The following PTPRD variants were observed in gnomAD, a reference collection of about 807,000 sequenced individuals.
PTPRD encodes the protein receptor-type tyrosine-protein phosphatase delta.
A neutral mutation model predicts 214.5 loss-of-function variants in PTPRD; 34 were observed. That is an observed-to-expected ratio of 0.16 (90% confidence interval 0.12 to 0.21). The LOEUF is 0.21. PTPRD is among the 10% of genes least tolerant of loss of function. PTPRD has a pLI of 1.00. For missense variants in PTPRD, 2,545 were observed against 2,398.7 expected (o/e 1.06, Z -1.27); for synonymous variants, 1,128 against 845.7 (o/e 1.33, Z -5.79).
chr9:9,709,108 A>C (rs2097679696), intron 7 of PTPRD, among the ~76,000 whole-genome samples: 1 of 152,026 alleles, frequency 6.6e-6, no homozygotes, highest in East Asian at 1.9e-4. Flanking sequence ...TTGGCATATA[A>C]GTTATAAGGT....
chr9:9,529,157 C>T (rs868606704), intron 8 of PTPRD, among the ~76,000 whole-genome samples: 1 of 151,812 alleles, frequency 6.6e-6, no homozygotes, highest in African/African-American at 2.4e-5. Context: ...TGGTCTCGAA[C>T]TCCTGACCTC....
At chr9:10,416,244 G>A (rs561297715) in intron 2 of PTPRD, among the ~76,000 whole-genome samples, 3 of 151,936 alleles carry the variant, frequency 2.0e-5, no homozygotes, top group African/African-American at 4.8e-5. Flanking sequence ...TGTAGTCCCA[G>A]CTACTCAGGA....
intron 44 of PTPRD, among the ~76,000 whole-genome samples, chr9:8,323,956 ATTATT>A (rs954438652): frequency 2.5e-4 from 38 of 152,166 alleles, no homozygotes; most frequent in African/African-American, 8.4e-4. Flanking sequence ...AAACTTCATT[ATTATT>A]TTCTTTTAAG....
At chr9:9,416,391 T>C (rs1324011534) in intron 8 of PTPRD, among the ~76,000 whole-genome samples, 1 of 152,212 alleles carries the variant, frequency 6.6e-6, no homozygotes. Flanking sequence ...TGCTCTTTAA[T>C]GAGCCTCATG....
chr9:9,241,264 T>C (rs2099970223), intron 9 of PTPRD, among the ~76,000 whole-genome samples: 1 of 152,182 alleles, frequency 6.6e-6, no homozygotes, highest in Non-Finnish European at 1.5e-5. Flanking sequence ...TGGTCAAATA[T>C]ACATTGGTAA....
intron 9 of PTPRD, among the ~76,000 whole-genome samples, chr9:9,321,832 T>G (rs1966724544): frequency 6.6e-6 from 1 of 152,154 alleles, no homozygotes; most frequent in Admixed American, 6.6e-5. Flanking sequence ...TCATGTAAGG[T>G]GGTTAGCACA....
intron 3 of PTPRD, among the ~76,000 whole-genome samples, chr9:10,251,787 T>C (rs968939570): frequency 2.0e-5 from 3 of 152,180 alleles, no homozygotes; most frequent in African/African-American, 7.2e-5. Flanking sequence ...ATATGATCTC[T>C]TATTTGTGGA....
At position 8,905,524 on chromosome 9, in the gene PTPRD, A is replaced by G. The variant is rs540716917; in HGVS notation, c.-104+113173T>C. The stretch of plus-strand genomic sequence containing the variant: ...GAGGTTGAGGCGGGCGGATTACCTG[A>G]GGTCAGGCATTCAAGACCAGCCTGG... On this transcript the variant is annotated intron_variant, in intron 11 of 45. Transcript: ENST00000381196. 1.3e-4 allele frequency among the ~76,000 whole-genome samples: 20 copies of G among 152,122 alleles called. No individual in the cohort carries two copies. The East Asian group carries it at 3.7e-3, about 28-fold the overall frequency.
chr9:9,732,363 C>G (rs2098212628), intron 7 of PTPRD, among the ~76,000 whole-genome samples: 1 of 151,864 alleles, frequency 6.6e-6, no homozygotes, highest in Non-Finnish European at 1.5e-5. Context: ...AACAAACAAG[C>G]AGGAGAATAA....
intron 8 of PTPRD, among the ~76,000 whole-genome samples, chr9:9,557,171 C>G (rs1401543511): frequency 6.6e-6 from 1 of 152,180 alleles, no homozygotes; most frequent in East Asian, 1.9e-4. Flanking sequence ...ATGTACCCTC[C>G]TCTCAGCCAA....
chr9:8,943,005 A>C (rs887437950), intron 11 of PTPRD, among the ~76,000 whole-genome samples: 3 of 152,200 alleles, frequency 2.0e-5, no homozygotes, highest in Non-Finnish European at 2.9e-5. Context: ...ATAGCAAATA[A>C]TCTGAAAAAG....
intron 9 of PTPRD, among the ~76,000 whole-genome samples, chr9:9,358,765 T>C (rs2054843887): frequency 6.6e-6 from 1 of 151,324 alleles, no homozygotes; most frequent in South Asian, 2.1e-4. Context: ...TCTTTGTGAT[T>C]AATCCAACAC....
intron 2 of PTPRD, chr9:10,532,496 C>G (rs1278441060): frequency 1.3e-5 from 2 of 149,752 alleles, no homozygotes; most frequent in East Asian, 3.9e-4. Context: ...TCCAAATGGC[C>G]AGATGAACAG....
At chr9:8,705,060 C>G (rs1194909273) in intron 12 of PTPRD, among the ~76,000 whole-genome samples, 1 of 152,126 alleles carries the variant, frequency 6.6e-6, no homozygotes, top group East Asian at 1.9e-4. Context: ...ACACTTCTAT[C>G]TGAGCCTCTC....
chr9:9,342,466 G>A lies in PTPRD; in HGVS notation c.-203+54983C>T, dbSNP rs531523764. Among the ~76,000 whole-genome samples the A allele has an allele frequency of 7.9e-5, 12 of 152,226 alleles. No individual in the cohort carries two copies. The South Asian group carries it at 1.4e-3, about 18-fold the overall frequency. ...GTAAATAAAATGTATTATAGGTGAC[G>A]AGATTAATACATATTTGGCTATATG... On this transcript the variant is annotated intron_variant, in intron 9 of 45. Transcript: ENST00000381196.
chr9:10,542,540 T>C (rs1312039871), intron 2 of PTPRD, among the ~76,000 whole-genome samples: 1 of 149,920 alleles, frequency 6.7e-6, no homozygotes, highest in African/African-American at 2.5e-5. Flanking sequence ...AGTGATGTTG[T>C]CTTATTAGAA....
At chr9:9,469,800 A>G (rs1417375338) in intron 8 of PTPRD, among the ~76,000 whole-genome samples, 3 of 152,196 alleles carry the variant, frequency 2.0e-5, no homozygotes, top group African/African-American at 7.2e-5. Flanking sequence ...ATTATATGCA[A>G]ATTGACTTGC....
chr9:9,238,553 G>C (rs1459347238), intron 9 of PTPRD, among the ~76,000 whole-genome samples: 1 of 152,056 alleles, frequency 6.6e-6, no homozygotes, highest in Non-Finnish European at 1.5e-5. Context: ...AGGGATCTTA[G>C]AGTCAAAGTC....
intron 10 of PTPRD, among the ~76,000 whole-genome samples, chr9:9,066,717 AG>A (rs1569524019): frequency 6.6e-6 from 1 of 152,298 alleles, no homozygotes; most frequent in East Asian, 1.9e-4. Flanking sequence ...CCACAAAGGC[AG>A]AGATTGAAAT....
Sources: gnomAD v4.1 joint callset for allele counts (sites outside exome capture counted in the v4.1 genomes callset) on GRCh38, gnomAD v4.1.1 for gene constraint, MANE v1.5 for transcripts, NCBI Gene and HGNC (gene_info 2026-07-23, HGNC 2026-07-21) for gene names.